GRHPR: variants seen among roughly 807,000 people sequenced by gnomAD.
GRHPR encodes the protein glyoxylate reductase/hydroxypyruvate reductase.
In GRHPR, 35 loss-of-function variants were observed where a neutral mutation model predicts 36.8. The observed-to-expected ratio is 0.95, with a 90% CI of 0.73 to 1.26. The LOEUF (loss-of-function observed/expected upper bound fraction) is 1.26, where lower values mean the gene tolerates loss of function less well. Among genes scored for constraint, GRHPR ranks in the 50% most tolerant of loss-of-function variants. The pLI, the probability that GRHPR is intolerant of heterozygous loss-of-function variation, is 0.00. For synonymous variants in GRHPR, 179 were observed against 181.0 expected (o/e 0.99, Z 0.09); for missense variants, 380 against 435.0 (o/e 0.87, Z 1.12).
chr9:37,437,130 C>T, downstream of GRHPR: 1 of 343,918 alleles, frequency 2.9e-6, no homozygotes, highest in Non-Finnish European at 5.7e-6. Flanking sequence ...TGTGCTATAA[C>T]CACTCTTTTT....
chr9:37,436,785 A>C lies in GRHPR; in HGVS notation c.*3A>C, dbSNP rs752397163. On this transcript the variant is annotated 3_prime_UTR_variant, in exon 9 of 9. Coordinates refer to ENST00000318158, the MANE Select transcript of GRHPR (RefSeq NM_012203.2). ...TGCCTAGTGAACTCAAGCTGTAGCC[A>C]AACAGTAGAGATGGAGGGCCGGGAA... 9.3e-6 allele frequency: 15 copies of C among 1,614,008 alleles called. No individual in the cohort carries two copies. Among genetic ancestry groups the C allele is most frequent in the Non-Finnish European group, 1.2e-5 (14 of 1,179,904 alleles).
intron 8 of GRHPR, among the ~76,000 whole-genome samples, chr9:37,436,018 G>C (rs367753840): frequency 6.6e-6 from 1 of 152,136 alleles, no homozygotes; most frequent in East Asian, 1.9e-4. Flanking sequence ...TTTCATTTTG[G>C]AGTTATTTCT....
chr9:37,435,128 C>G (rs1422899151), intron 8 of GRHPR, among the ~76,000 whole-genome samples: 1 of 152,128 alleles, frequency 6.6e-6, no homozygotes. Context: ...GTATGTACCT[C>G]TAGTCCTAGC....
upstream of GRHPR, chr9:37,422,609 C>T (rs1046997877): frequency 5.7e-6 from 4 of 706,388 alleles, no homozygotes; most frequent in African/African-American, 5.3e-5. Context: ...CAACCCGGCG[C>T]TCCCTCTCGC....
chr9:37,437,199 T>TATG (rs1358042318), downstream of GRHPR, among the ~76,000 whole-genome samples: 3 of 152,006 alleles, frequency 2.0e-5, no homozygotes, highest in Admixed American at 6.5e-5. Flanking sequence ...TGCAGTGTGC[T>TATG]ATGATCACTC....
chr9:37,422,870 C>T, intron 1 of GRHPR, 37 bp downstream of exon 1: 3 of 1,475,070 alleles, frequency 2.0e-6, no homozygotes, highest in Non-Finnish European at 1.9e-6. Context: ...GGGAGCAGGG[C>T]GGTCCCAGGG....
intron 3 of GRHPR, chr9:37,426,328 AC>A: frequency 1.6e-6 from 1 of 638,010 alleles, no homozygotes; most frequent in Non-Finnish European, 2.8e-6. Context: ...CAGTCCCTGA[AC>A]CCTGATCTTC....
At chr9:37,426,503 G>A in intron 3 of GRHPR, 35 bp from the exon 4 acceptor site, 1 of 1,287,944 alleles carries the variant, frequency 7.8e-7, no homozygotes, top group Non-Finnish European at 1.1e-6. Flanking sequence ...AAATATGGTT[G>A]AGGCTGATGT....
In GRHPR at chr9:37,422,759, G is replaced by C. The variant is rs1383422680; in HGVS notation, c.9G>C (p.Pro3=). The change falls in exon 1 of 9, where the codon CCG becomes CCC. Residue 3 remains proline, a synonymous_variant. Coordinates refer to ENST00000318158, the MANE Select transcript of GRHPR (RefSeq NM_012203.2). ...CGGCGGCTGCACTGCGGATGAGACC[G>C]GTGCGACTCATGAAGGTGTTCGTCA... MR[P]VRLMKVFVTR... 10 of 1,587,942 alleles carry C rather than the reference G, an allele frequency of 6.3e-6. No individual in the cohort carries two copies. The highest frequency in any genetic ancestry group is 8.6e-6 in the Non-Finnish European group (10 of 1,168,692).
At chr9:37,428,129 G>T (rs891577202) in intron 4 of GRHPR, 21 of 394,160 alleles carry the variant, frequency 5.3e-5, no homozygotes, top group South Asian at 4.1e-4. Context: ...AGTGCCAAGA[G>T]AACTTGTTTT....
chr9:37,436,704 C>T lies in GRHPR; in HGVS notation c.909C>T (p.Asn303=), dbSNP rs776250933. The change falls in exon 9 of 9, where the codon AAC becomes AAT. Residue 303 remains asparagine, a synonymous_variant. Transcript: ENST00000318158. ...HIGSATHRTR[N]TMSLLAANNL... is the part of the protein sequence containing the mutation. ...GCAGTGCCACCCACAGAACCCGCAA[C>T]ACCATGTCCTTGTTGGCAGCTAACA... 8 of 1,614,068 alleles carry T rather than the reference C, an allele frequency of 5.0e-6. No individual in the cohort carries two copies. Among genetic ancestry groups the T allele is most frequent in the Non-Finnish European group, 5.1e-6 (6 of 1,179,926 alleles).
intron 8 of GRHPR, among the ~76,000 whole-genome samples, chr9:37,433,227 CATTT>C (rs1422652403): frequency 3.5e-4 from 47 of 132,630 alleles, no homozygotes; most frequent in Non-Finnish European, 6.1e-4. Flanking sequence ...GTGGTTCTCA[CATTT>C]TTTTTTTTTT....
chr9:37,433,368 G>A (rs1247680145), intron 8 of GRHPR, among the ~76,000 whole-genome samples: 1 of 151,952 alleles, frequency 6.6e-6, no homozygotes, highest in Non-Finnish European at 1.5e-5. Context: ...CGAGTAGCTG[G>A]GATTACAGGC....
chr9:37,422,923 G>C (rs1822904481), intron 1 of GRHPR, 90 bp downstream of exon 1: 2 of 938,082 alleles, frequency 2.1e-6, no homozygotes, highest in South Asian at 3.0e-5. Context: ...TGGCCGGCTG[G>C]GGCAGGCTTG....
downstream of GRHPR, chr9:37,437,038 G>A: frequency 2.3e-6 from 1 of 438,294 alleles, no homozygotes; most frequent in Admixed American, 3.3e-5. Context: ...GATATGGCTG[G>A]GCATGGTGAC....
rs147063093 is a variant in GRHPR at position 37,428,954 on chromosome 9, A to C, written c.493+382A>C. 1.8e-3 allele frequency: 654 copies of C among 370,028 alleles called. 3 individuals are homozygous for C. The highest frequency in any genetic ancestry group is 0.013 in the African/African-American group (607 of 47,676). The allele number at this position is 370,028 out of a possible 1,614,324, so 22.9% of individuals were successfully genotyped here. ...GAAGGTATGTGACTCACAAAGCCCTAACTCGGGCCGGAGGGCTCAGTGGGC... is the reference window on the plus strand; with the variant it reads ...GAAGGTATGTGACTCACAAAGCCCTCACTCGGGCCGGAGGGCTCAGTGGGC... On this transcript the variant is annotated intron_variant, in intron 5 of 8. Coordinates refer to ENST00000318158, the MANE Select transcript of GRHPR (RefSeq NM_012203.2).
rs990885174 is a variant in GRHPR at position 37,430,805 on chromosome 9, C to T, written c.734+159C>T. 5.2e-5 allele frequency: 38 copies of T among 731,820 alleles called. No individual in the cohort carries two copies. The African/African-American group carries it at 5.7e-4, about 11-fold the overall frequency. The allele number at this position is 731,820 out of a possible 1,614,324, so 45.3% of individuals were successfully genotyped here. A position where few individuals can be genotyped will look rare whatever the true frequency, so the allele number is the denominator to read the frequency against. The stretch of plus-strand genomic sequence containing the variant: ...CAACTCAGAAATTCGTGGGAATACA[C>T]GAGACCTCCGTACAGGGAAGAAGAG... On this transcript the variant is annotated intron_variant, in intron 7 of 8. Transcript: ENST00000318158.
chr9:37,432,272 A>C, intron 8 of GRHPR, 134 bp downstream of exon 8: 1 of 781,818 alleles, frequency 1.3e-6, no homozygotes, highest in Non-Finnish European at 2.2e-6. Flanking sequence ...AGGGATCGTA[A>C]ATGTTTATGT....
rs1483540196 is a variant in GRHPR at position 37,429,811 on chromosome 9, A to G, written c.573A>G (p.Glu191=). The G allele has an allele frequency of 6.2e-7, 1 of 1,609,016 alleles. No individual in the cohort carries two copies. Among genetic ancestry groups the G allele is most frequent in the Admixed American group, 1.7e-5 (1 of 60,028 alleles). ...LYTGRQPRPE[E]AAEFQAEFVS... is the part of the protein sequence containing the mutation. ...CAGGGCGCCAGCCCAGGCCTGAGGA[A>G]GCAGCAGAATTCCAGGCAGAGTTTG... Residue 191 remains glutamate (E), a synonymous_variant, in exon 6 of 9, where the codon GAA becomes GAG. Transcript: ENST00000318158.
Sources: allele counts gnomAD v4.1 joint callset (sites outside exome capture counted in the v4.1 genomes callset), GRCh38; gene constraint gnomAD v4.1.1; transcripts MANE v1.5; gene names NCBI Gene and HGNC (gene_info 2026-07-23, HGNC 2026-07-21).